Variants in STK39 observed in about 807,000 individuals in gnomAD.
STK39 encodes the protein STE20/SPS1-related proline-alanine-rich protein kinase.
Under a neutral mutation model 77.8 loss-of-function variants are expected in STK39, and 20 were observed. The observed-to-expected ratio is 0.26, with a 90% CI of 0.18 to 0.37. The LOEUF (loss-of-function observed/expected upper bound fraction) is 0.37, where lower values mean the gene tolerates loss of function less well. Among genes scored for constraint, STK39 ranks in the 10% least tolerant of loss-of-function variants. STK39 has a pLI of 1.00. For synonymous variants in STK39, 246 were observed against 234.1 expected (o/e 1.05, Z -0.47); for missense variants, 479 against 656.5 (o/e 0.73, Z 2.95).
intron 3 of STK39, among the ~76,000 whole-genome samples, chr2:168,164,519 A>G (rs1293669157): frequency 6.6e-6 from 1 of 151,850 alleles, no homozygotes; most frequent in East Asian, 1.9e-4. Flanking sequence ...CGATCCTCCC[A>G]CCTCAGCCTC....
intron 10 of STK39, among the ~76,000 whole-genome samples, chr2:168,088,275 C>G (rs963560196): frequency 2.6e-5 from 4 of 152,068 alleles, no homozygotes; most frequent in Admixed American, 6.5e-5. Flanking sequence ...TTACTAACTG[C>G]CCTAAAGATA....
intron 1 of STK39, among the ~76,000 whole-genome samples, chr2:168,242,656 G>A (rs1197786241): frequency 1.4e-5 from 2 of 147,266 alleles, no homozygotes; most frequent in African/African-American, 5.0e-5. Context: ...AGCCAAGGCC[G>A]GAGCATCGCT....
intron 1 of STK39, among the ~76,000 whole-genome samples, chr2:168,244,486 T>C (rs1690849711): frequency 6.6e-6 from 1 of 152,198 alleles, no homozygotes; most frequent in Non-Finnish European, 1.5e-5. Flanking sequence ...AGTCATATCA[T>C]ATGACACCTG....
At chr2:168,202,670 C>T (rs749113202) in intron 1 of STK39, among the ~76,000 whole-genome samples, 3 of 151,958 alleles carry the variant, frequency 2.0e-5, no homozygotes, top group Non-Finnish European at 2.9e-5. Context: ...TTTGCAGCAG[C>T]GACCAAACTG....
At chr2:168,100,065 T>C (rs1363896848) in intron 10 of STK39, among the ~76,000 whole-genome samples, 2 of 152,206 alleles carry the variant, frequency 1.3e-5, no homozygotes, top group Non-Finnish European at 1.5e-5. Context: ...GCTGGGCTAA[T>C]AAGTATCTCA....
rs765550359 is a variant in STK39, at chr2:168,063,583, A to C, written c.1306-13T>G. ...CATTGGGTGGGCCCTTTAAAAAGAA[A>C]ACAGCAAACAGTGTTATAAACTGTA... On this transcript the variant is annotated splice_polypyrimidine_tract_variant and intron_variant, in intron 13 of 17. Transcript: ENST00000355999. 1.9e-6 allele frequency: 3 copies of C among 1,605,530 alleles called. No homozygotes were observed. The highest frequency in any genetic ancestry group is 2.6e-6 in the Non-Finnish European group (3 of 1,175,794).
At chr2:168,146,927 A>T (rs1212710896) in intron 5 of STK39, among the ~76,000 whole-genome samples, 1 of 152,232 alleles carries the variant, frequency 6.6e-6, no homozygotes, top group Non-Finnish European at 1.5e-5. Flanking sequence ...GAATAAAAAG[A>T]TTAGATGACT....
intron 1 of STK39, among the ~76,000 whole-genome samples, chr2:168,235,877 C>T (rs1690591902): frequency 6.6e-6 from 1 of 152,030 alleles, no homozygotes; most frequent in Non-Finnish European, 1.5e-5. Flanking sequence ...GGGTTGGTTC[C>T]AAGTCTTTGC....
chr2:168,185,011 G>C (rs1420703982), intron 1 of STK39, among the ~76,000 whole-genome samples: 1 of 152,150 alleles, frequency 6.6e-6, no homozygotes, highest in Non-Finnish European at 1.5e-5. Context: ...ATTAGTTTAA[G>C]AGGAAGCTAA....
chr2:168,032,576 A>C (rs558082782), intron 14 of STK39, among the ~76,000 whole-genome samples: 1 of 152,340 alleles, frequency 6.6e-6, no homozygotes, highest in African/African-American at 2.4e-5. Flanking sequence ...CCTCTTGAGT[A>C]AAAATTTAAT....
intron 16 of STK39, among the ~76,000 whole-genome samples, chr2:167,986,463 T>C (rs535516310): frequency 6.6e-6 from 1 of 152,326 alleles, no homozygotes; most frequent in South Asian, 2.1e-4. Flanking sequence ...AAGGGTCACA[T>C]ACCACAAGTT....
In STK39 at chr2:168,247,538, TCCCCGCCCG is replaced by T; in HGVS notation, c.-112_-104del. 1 of 357,886 alleles carries T rather than the reference TCCCCGCCCG, an allele frequency of 2.8e-6. No individual in the cohort carries two copies. The highest frequency in any genetic ancestry group is 3.6e-6 in the Non-Finnish European group (1 of 274,516). 22.2% of individuals were successfully genotyped at this position (357,886 alleles called of 1,614,324 possible). ...GACACCTCTCGGCCGGCGCACGCCC[TCCCCGCCCG>T]CCGCCGCCGCCGCCGTCCCCGCCGA... is the stretch of plus-strand genomic sequence containing the variant. On this transcript the variant is annotated 5_prime_UTR_variant, in exon 1 of 18. Transcript: ENST00000355999.
intron 15 of STK39, among the ~76,000 whole-genome samples, chr2:168,015,137 A>G (rs983355083): frequency 5.9e-5 from 9 of 152,168 alleles, no homozygotes; most frequent in Non-Finnish European, 1.0e-4. Context: ...TTAGTAATCT[A>G]TTTTTCTTTA....
At chr2:167,960,855 T>C (rs952571418) in intron 17 of STK39, among the ~76,000 whole-genome samples, 3 of 152,104 alleles carry the variant, frequency 2.0e-5, no homozygotes, top group African/African-American at 7.2e-5. Flanking sequence ...CTTTAAAGCA[T>C]TGGTTCTCAA....
chr2:168,030,949 G>A (rs906908218), intron 14 of STK39, among the ~76,000 whole-genome samples: 1 of 152,220 alleles, frequency 6.6e-6, no homozygotes, highest in Non-Finnish European at 1.5e-5. Flanking sequence ...CTTGCCAGGA[G>A]ACCGGATGAG....
Position 168,247,225 on chromosome 2 carries a change from G to A in STK39, c.208+3C>T. 1 of 1,201,548 alleles carries A rather than the reference G, an allele frequency of 8.3e-7. No homozygotes were observed. Among genetic ancestry groups the A allele is most frequent in the Non-Finnish European group, 1.0e-6 (1 of 963,330 alleles). 74.4% of individuals were successfully genotyped at this position (1,201,548 alleles called of 1,614,324 possible). On this transcript the variant is annotated splice_donor_region_variant and intron_variant, in intron 1 of 17. Coordinates refer to ENST00000355999, the MANE Select transcript of STK39 (RefSeq NM_013233.3). Reference sequence around the variant, plus strand: ...CCGGCCCCGCCGCGCCCGCCGCACTGACCGATAACCTCCTGCAGCTCGTAC... The same window carrying A: ...CCGGCCCCGCCGCGCCCGCCGCACTAACCGATAACCTCCTGCAGCTCGTAC...
intron 1 of STK39, among the ~76,000 whole-genome samples, chr2:168,243,767 T>A (rs150508668): frequency 1.3e-4 from 20 of 152,240 alleles, no homozygotes; most frequent in Middle Eastern, 3.2e-3. Context: ...TAAACACTTA[T>A]ATGATTCACT....
At chr2:168,175,160 C>G (rs944834104) in intron 2 of STK39, among the ~76,000 whole-genome samples, 1 of 152,010 alleles carries the variant, frequency 6.6e-6, no homozygotes, top group Admixed American at 6.6e-5. Context: ...ATGGAAATAA[C>G]GAAACCAAAA....
At chr2:168,206,730 A>T (rs1689752539) in intron 1 of STK39, among the ~76,000 whole-genome samples, 1 of 152,250 alleles carries the variant, frequency 6.6e-6, no homozygotes. Flanking sequence ...TAGAAAACAG[A>T]CACCCAATAT....
Sources: gnomAD v4.1 joint callset for allele counts (sites outside exome capture counted in the v4.1 genomes callset) on GRCh38, gnomAD v4.1.1 for gene constraint, MANE v1.5 for transcripts, NCBI Gene and HGNC (gene_info 2026-07-23, HGNC 2026-07-21) for gene names.